Variants in PKNOX1 observed in about 807,000 individuals in gnomAD.
The protein encoded by PKNOX1 is homeobox protein PKNOX1.
PKNOX1 carries 15 observed loss-of-function variants against 51.9 expected under a neutral mutation model. The ratio of observed to expected loss-of-function variants is 0.29; its 90% CI spans 0.19 to 0.45. PKNOX1 has a LOEUF of 0.45. Among genes scored for constraint, PKNOX1 ranks in the 20% least tolerant of loss-of-function variants. The pLI is 1.00. For missense variants in PKNOX1, 462 were observed against 547.5 expected (o/e 0.84, Z 1.56); for synonymous variants, 219 against 211.1 (o/e 1.04, Z -0.32).
In PKNOX1 at chr21:43,032,339, G is replaced by GTCCCTCACCAC. The variant is rs1980311226; in HGVS notation, c.*2238_*2239insTCCCTCACCAC. Reference sequence around the variant, plus strand: ...TTCCCTCACCACCCTCCGTCTCTTCGGCTGCTTGCTCTTTAGTGTAGATTA... The same window carrying GTCCCTCACCAC: ...TTCCCTCACCACCCTCCGTCTCTTCGTCCCTCACCACGCTGCTTGCTCTTTAGTGTAGATTA... On this transcript the variant is annotated 3_prime_UTR_variant, in exon 11 of 11. Transcript: ENST00000291547. 9.3e-5 allele frequency: 37 copies of GTCCCTCACCAC among 396,720 alleles called. No homozygotes were observed. The highest frequency in any genetic ancestry group is 4.1e-4 in the Middle Eastern group (1 of 2,438). The allele number at this position is 396,720 out of a possible 1,614,324, so 24.6% of individuals were successfully genotyped here.
intron 1 of PKNOX1, among the ~76,000 whole-genome samples, chr21:42,992,123 T>G (rs2059090988): frequency 6.6e-6 from 1 of 152,236 alleles, no homozygotes; most frequent in Admixed American, 6.5e-5. Context: ...GGCCAGCTGC[T>G]TCATCAGCTC....
Position 43,031,368 on chromosome 21 carries a change from T to C in PKNOX1, c.*1267T>C, listed in dbSNP as rs1980261810. On this transcript the variant is annotated 3_prime_UTR_variant, in exon 11 of 11. Transcript: ENST00000291547. ...CCTACGTTTGCGTTTGTGGCTGGTC[T>C]CCTGGTGTCAGTGTTCTCTTGTACG... 1 of 152,482 alleles carries C rather than the reference T, an allele frequency of 6.6e-6. No homozygotes were observed. Among genetic ancestry groups the C allele is most frequent in the South Asian group, 2.1e-4 (1 of 4,830 alleles). The allele number at this position is 152,482 out of a possible 1,614,324, so 9.4% of individuals were successfully genotyped here.
intron 1 of PKNOX1, among the ~76,000 whole-genome samples, chr21:42,987,174 G>C (rs534501003): frequency 9.9e-5 from 15 of 151,824 alleles, no homozygotes; most frequent in African/African-American, 3.6e-4. Context: ...CTGAGGCCAG[G>C]AGTTCAAGAC....
At chr21:43,010,541 A>T (rs1979202161) in intron 4 of PKNOX1, among the ~76,000 whole-genome samples, 1 of 151,868 alleles carries the variant, frequency 6.6e-6, no homozygotes, top group South Asian at 2.1e-4. Flanking sequence ...GGCCCAACCT[A>T]CCCTTTCCTT....
In PKNOX1 at chr21:43,021,198, C is replaced by A. The variant is rs992288831; in HGVS notation, c.721-105C>A. 10 of 925,852 alleles carry A rather than the reference C, an allele frequency of 1.1e-5. No individual in the cohort carries two copies. In the South Asian group the frequency reaches 1.2e-4, roughly 11 times the overall value. 57.4% of individuals were successfully genotyped at this position (925,852 alleles called of 1,614,324 possible). On this transcript the variant is annotated intron_variant, in intron 7 of 10. Coordinates refer to ENST00000291547, the MANE Select transcript of PKNOX1 (RefSeq NM_004571.5). The surrounding 1 kb of genome is among the most constrained non-coding windows in gnomAD (Gnocchi z 4.6). ...CCCGTGCATGGGCCTCGACTACAATCATTTCCCTGTCCGATCCTTGGCTGT... is the reference window on the plus strand; with the variant it reads ...CCCGTGCATGGGCCTCGACTACAATAATTTCCCTGTCCGATCCTTGGCTGT...
chr21:43,013,159 C>T lies in PKNOX1; in HGVS notation c.443C>T (p.Ala148Val). 1 of 1,613,898 alleles carries T rather than the reference C, an allele frequency of 6.2e-7. No individual in the cohort carries two copies. The highest frequency in any genetic ancestry group is 8.5e-7 in the Non-Finnish European group (1 of 1,179,810). ...AAAGATTTCTGCAGTCGATACATTG[C>T]TTGTCTGAAAACAAAAATGAACAGT... ...LCKDFCSRYI[A>V]CLKTKMNSET... Residue 148 changes from alanine (A) to valine (V), a missense_variant, in exon 5 of 11, where the codon GCT (alanine) becomes GTT (valine). Ala to Val is a moderately conservative substitution (Grantham distance 64, BLOSUM62 0). Around this residue, in one of 5 missense-constraint regions of PKNOX1, gnomAD observed 126 missense variants for 128.1 expected, o/e 0.98. Coordinates refer to ENST00000291547, the MANE Select transcript of PKNOX1 (RefSeq NM_004571.5).
intron 1 of PKNOX1, among the ~76,000 whole-genome samples, chr21:42,994,216 A>G (rs1978383149): frequency 7.4e-6 from 1 of 135,402 alleles, no homozygotes; most frequent in Non-Finnish European, 1.6e-5. Flanking sequence ...AAATTTTTGG[A>G]TTTTTAGTAG....
intron 1 of PKNOX1, among the ~76,000 whole-genome samples, chr21:42,992,667 G>A (rs930276656): frequency 2.6e-5 from 4 of 152,092 alleles, no homozygotes; most frequent in African/African-American, 9.7e-5. Flanking sequence ...CAGAGCACAC[G>A]TGCAGACTCC....
At position 43,000,148 on chromosome 21, in the gene PKNOX1, C is replaced by T. The variant is rs188087327; in HGVS notation, c.-56-4178C>T. 2.4e-4 allele frequency among the ~76,000 whole-genome samples: 37 copies of T among 152,280 alleles called. 1 individual carries two copies. The East Asian group carries it at 6.8e-3, about 28-fold the overall frequency. Reference sequence around the variant, plus strand: ...GAAGTTCCAAACTTTCCCACATTTTCCTGTCTTCTTCTGAGCCCTCCAAAC... The same window carrying T: ...GAAGTTCCAAACTTTCCCACATTTTTCTGTCTTCTTCTGAGCCCTCCAAAC... On this transcript the variant is annotated intron_variant, in intron 1 of 10. Transcript: ENST00000291547.
intron 1 of PKNOX1, among the ~76,000 whole-genome samples, chr21:43,001,956 G>A (rs375397142): frequency 1.1e-4 from 12 of 108,688 alleles, no homozygotes; most frequent in East Asian, 2.4e-4. Context: ...GCAAGACTCC[G>A]TCTCAAATAA....
At chr21:43,007,355 G>T in intron 2 of PKNOX1, 136 bp from the exon 3 acceptor site, 2 of 762,800 alleles carry the variant, frequency 2.6e-6, no homozygotes, top group East Asian at 2.6e-5. Context: ...CTGTTTTGTT[G>T]GTAGCATTCT....
At chr21:43,001,285 T>C (rs1978739834) in intron 1 of PKNOX1, among the ~76,000 whole-genome samples, 1 of 152,238 alleles carries the variant, frequency 6.6e-6, no homozygotes, top group Non-Finnish European at 1.5e-5. Context: ...CTGTTACCAG[T>C]GGCTCCCATG....
intron 8 of PKNOX1, among the ~76,000 whole-genome samples, chr21:43,022,538 C>T (rs1470709039): frequency 6.6e-6 from 1 of 152,086 alleles, no homozygotes; most frequent in East Asian, 1.9e-4. Context: ...CTGGGCTGCG[C>T]CTCTTCTGCT....
chr21:43,014,534 T>C (rs1979402112), intron 5 of PKNOX1, among the ~76,000 whole-genome samples: 1 of 152,176 alleles, frequency 6.6e-6, no homozygotes, highest in Admixed American at 6.5e-5. Flanking sequence ...AGGTTTTCCT[T>C]TTATGGATCA....
chr21:43,018,198 T>A lies in PKNOX1; in HGVS notation c.688T>A (p.Ser230Thr). The A allele has an allele frequency of 6.2e-7, 1 of 1,613,830 alleles. No individual in the cohort carries two copies. The highest frequency in any genetic ancestry group is 8.5e-7 in the Non-Finnish European group (1 of 1,179,836). The change falls in exon 7 of 11, where the codon TCG becomes ACG. Residue 230 changes from serine to threonine, a missense_variant. By Grantham distance (58) the Ser-to-Thr change is moderately conservative. This residue lies in a region of PKNOX1 where 126 missense variants were observed against 128.1 expected (regional missense o/e 0.98). Coordinates refer to ENST00000291547, the MANE Select transcript of PKNOX1 (RefSeq NM_004571.5). ...PQGQVVTQTL[S>T]PGTIRIQNSQ... ...AGGCCAAGTGGTCACACAGACATTG[T>A]CGCCTGGGACAATTAGGATCCAGAA...
rs117564819 is a variant in PKNOX1, at chr21:42,981,069, G to A, written c.-57+6405G>A. On this transcript the variant is annotated intron_variant, in intron 1 of 10. Coordinates refer to ENST00000291547, the MANE Select transcript of PKNOX1 (RefSeq NM_004571.5). ...AGTGTGTGTCCTTGGAGGTGAGGGT[G>A]AAGGAAGTGGCTGCAGGCCCTGGGA... Among the ~76,000 whole-genome samples, 951 of 152,386 alleles carry A rather than the reference G, an allele frequency of 6.2e-3. 2 individuals are homozygous for A. Among genetic ancestry groups the A allele is most frequent in the Non-Finnish European group, 9.5e-3 (647 of 68,042 alleles).
chr21:42,998,534 C>A (rs1978608162), intron 1 of PKNOX1, among the ~76,000 whole-genome samples: 1 of 152,174 alleles, frequency 6.6e-6, no homozygotes, highest in Non-Finnish European at 1.5e-5. Flanking sequence ...TAAGGCAAGT[C>A]CCTTCCATGT....
chr21:43,029,003 C>T (rs1281417187), intron 10 of PKNOX1, 129 bp downstream of exon 10: 1 of 867,764 alleles, frequency 1.2e-6, no homozygotes, highest in East Asian at 2.6e-5. Flanking sequence ...GGTTCTCTTT[C>T]TCTGCAACTA....
Position 42,991,899 on chromosome 21 carries a change from G to C in PKNOX1, c.-56-12427G>C, listed in dbSNP as rs559677838. ...TTATTTATGTACTTACTGACTTACAGCTACTTTTTGAGATGGGATCTTGCT... is the reference window on the plus strand; with the variant it reads ...TTATTTATGTACTTACTGACTTACACCTACTTTTTGAGATGGGATCTTGCT... On this transcript the variant is annotated intron_variant, in intron 1 of 10. Transcript: ENST00000291547. Among the ~76,000 whole-genome samples, 8 of 152,286 alleles carry C rather than the reference G, an allele frequency of 5.3e-5. No individual in the cohort carries two copies. The South Asian group carries it at 6.2e-4, about 12-fold the overall frequency.
Sources: allele counts gnomAD v4.1 joint callset (sites outside exome capture counted in the v4.1 genomes callset), GRCh38; gene constraint gnomAD v4.1.1; regional missense constraint gnomAD v4.1.1; non-coding constraint Gnocchi (gnomAD v3.1); transcripts MANE v1.5; gene names NCBI Gene and HGNC (gene_info 2026-07-23, HGNC 2026-07-21).